Variants in RBFOX1 observed in about 807,000 individuals in gnomAD.
The protein encoded by RBFOX1 is RNA binding fox-1 homolog 1.
RBFOX1 carries 8 observed loss-of-function variants against 57.7 expected under a neutral mutation model. The ratio of observed to expected loss-of-function variants is 0.14; its 90% CI spans 0.08 to 0.25. The LOEUF is 0.25. Ranked by LOEUF, RBFOX1 falls within the 10% of genes least tolerant of loss-of-function variation. RBFOX1 has a pLI of 1.00. For synonymous variants in RBFOX1, 326 were observed against 222.4 expected (o/e 1.47, Z -4.15); for missense variants, 611 against 548.5 (o/e 1.11, Z -1.14).
At chr16:6,736,472 G>A (rs1038993431) in intron 3 of RBFOX1, among the ~76,000 whole-genome samples, 1 of 152,148 alleles carries the variant, frequency 6.6e-6, no homozygotes, top group East Asian at 1.9e-4. Flanking sequence ...CCATGTCATT[G>A]CAAATGCTGT....
At position 6,983,307 on chromosome 16, in the gene RBFOX1, G is replaced by C. The variant is rs150909628; in HGVS notation, c.-15-68750G>C. ...TGCAGTTGTCTATCCAATGAGTTTTGTCCATTATTTCTTTAGCCGTAAATA... is the reference window on the plus strand; with the variant it reads ...TGCAGTTGTCTATCCAATGAGTTTTCTCCATTATTTCTTTAGCCGTAAATA... On this transcript the variant is annotated intron_variant, in intron 3 of 15. Coordinates refer to ENST00000550418, the MANE Select transcript of RBFOX1 (RefSeq NM_018723.4). Among the ~76,000 whole-genome samples the C allele has an allele frequency of 1.2e-3, 177 of 152,170 alleles. 1 individual carries two copies. The highest frequency in any genetic ancestry group is 4.3e-3 in the African/African-American group (177 of 41,522).
intron 1 of RBFOX1, among the ~76,000 whole-genome samples, chr16:5,358,262 T>C (rs1009086999): frequency 2.0e-5 from 3 of 148,634 alleles, no homozygotes; most frequent in African/African-American, 7.9e-5. Flanking sequence ...TTCCCCTTTT[T>C]ATAAGGACAT....
At chr16:6,568,648 C>G (rs933162386) in intron 2 of RBFOX1, among the ~76,000 whole-genome samples, 2 of 152,126 alleles carry the variant, frequency 1.3e-5, no homozygotes, top group African/African-American at 4.8e-5. Context: ...TATTCTGATT[C>G]TCAGAAGAGA....
chr16:5,859,447 G>T (rs886942027), intron 3 of RBFOX1, among the ~76,000 whole-genome samples: 1 of 152,220 alleles, frequency 6.6e-6, no homozygotes, highest in Non-Finnish European at 1.5e-5. Context: ...AGGAAACTGA[G>T]CCTCAGACAG....
chr16:6,108,399 G>A (rs940814703), intron 1 of RBFOX1, among the ~76,000 whole-genome samples: 4 of 152,162 alleles, frequency 2.6e-5, no homozygotes, highest in Non-Finnish European at 5.9e-5. Flanking sequence ...GTTGTGATAT[G>A]AGGGTGAAAG....
At chr16:6,574,380 G>A (rs1343268420) in intron 2 of RBFOX1, among the ~76,000 whole-genome samples, 1 of 151,852 alleles carries the variant, frequency 6.6e-6, no homozygotes, top group Non-Finnish European at 1.5e-5. Flanking sequence ...GCTGTGAGGA[G>A]GGGGCGGAAC....
At chr16:5,431,458 T>G (rs1229774331) in intron 1 of RBFOX1, among the ~76,000 whole-genome samples, 2 of 152,084 alleles carry the variant, frequency 1.3e-5, no homozygotes, top group African/African-American at 4.8e-5. Flanking sequence ...CACTACAACC[T>G]CCGCCTCCTG....
intron 2 of RBFOX1, among the ~76,000 whole-genome samples, chr16:6,632,996 AAGG>A (rs776096595): frequency 1.0e-3 from 154 of 152,312 alleles, no homozygotes; most frequent in African/African-American, 3.0e-3. Flanking sequence ...TAAATATAAA[AAGG>A]AGAGGGATGG....
intron 4 of RBFOX1, among the ~76,000 whole-genome samples, chr16:7,425,772 GGAGA>G (rs2098604768): frequency 1.3e-5 from 2 of 152,182 alleles, no homozygotes; most frequent in Admixed American, 6.5e-5. Flanking sequence ...CTTGAACTGG[GGAGA>G]GAAAGGATCG....
chr16:6,353,584 A>C (rs2086769083), intron 2 of RBFOX1, among the ~76,000 whole-genome samples: 1 of 152,076 alleles, frequency 6.6e-6, no homozygotes, highest in Admixed American at 6.6e-5. Context: ...CTTAAGCCCA[A>C]ATGCATTGCT....
chr16:7,668,668 AC>A (rs1345166816), intron 13 of RBFOX1, among the ~76,000 whole-genome samples: 12 of 151,770 alleles, frequency 7.9e-5, no homozygotes, highest in Non-Finnish European at 1.6e-4. Context: ...CAGAACACAC[AC>A]ACACACACAC....
intron 2 of RBFOX1, among the ~76,000 whole-genome samples, chr16:6,369,144 A>C (rs1022613396): frequency 2.6e-5 from 4 of 152,200 alleles, no homozygotes; most frequent in Non-Finnish European, 5.9e-5. Context: ...AGGGATTCCT[A>C]ATCTATTGGT....
intron 2 of RBFOX1, among the ~76,000 whole-genome samples, chr16:6,431,618 G>T (rs1020467007): frequency 6.6e-6 from 1 of 152,140 alleles, no homozygotes; most frequent in African/African-American, 2.4e-5. Context: ...GGGGGTAAGT[G>T]TGAGATGTGA....
chr16:5,468,004 G>A (rs1300492404), intron 2 of RBFOX1, among the ~76,000 whole-genome samples: 1 of 152,182 alleles, frequency 6.6e-6, no homozygotes, highest in African/African-American at 2.4e-5. Flanking sequence ...AAGTGGCAAA[G>A]GAGGCTTTGT....
At chr16:7,640,758 T>G (rs1232119795) in intron 11 of RBFOX1, among the ~76,000 whole-genome samples, 1 of 152,192 alleles carries the variant, frequency 6.6e-6, no homozygotes, top group South Asian at 2.1e-4. Flanking sequence ...CTCCTGCATT[T>G]AACTCCTTGA....
chr16:5,761,064 A>G (rs557438580), intron 3 of RBFOX1, among the ~76,000 whole-genome samples: 45 of 152,336 alleles, frequency 3.0e-4, no homozygotes, highest in Middle Eastern at 3.4e-3. Flanking sequence ...CTGGGGCAGG[A>G]AGGATCCAGT....
intron 4 of RBFOX1, among the ~76,000 whole-genome samples, chr16:5,900,427 A>G (rs1027494766): frequency 1.3e-4 from 20 of 152,202 alleles, no homozygotes; most frequent in Non-Finnish European, 2.4e-4. Context: ...AAATTCCCCA[A>G]ACAACTGTGT....
chr16:5,465,419 C>G (rs964453676), intron 1 of RBFOX1, among the ~76,000 whole-genome samples: 1 of 152,110 alleles, frequency 6.6e-6, no homozygotes. Context: ...GTTCAGAAGT[C>G]CTAGATTTGG....
intron 2 of RBFOX1, among the ~76,000 whole-genome samples, chr16:5,596,723 A>T (rs1289901335): frequency 6.6e-6 from 1 of 152,246 alleles, no homozygotes; most frequent in Non-Finnish European, 1.5e-5. Flanking sequence ...CTGAAAAGAA[A>T]GTGACAAAAG....
Sources: allele counts gnomAD v4.1 joint callset (sites outside exome capture counted in the v4.1 genomes callset), GRCh38; gene constraint gnomAD v4.1.1; transcripts MANE v1.5; gene names NCBI Gene and HGNC (gene_info 2026-07-23, HGNC 2026-07-21).